CACNA1B: variants seen among roughly 807,000 people sequenced by gnomAD.
CACNA1B encodes voltage-dependent N-type calcium channel subunit alpha-1B.
In CACNA1B, 70 loss-of-function variants were observed where a neutral mutation model predicts 247.2. The observed-to-expected ratio is 0.28, with a 90% CI of 0.23 to 0.35. The LOEUF is 0.35. CACNA1B is among the 10% of genes least tolerant of loss of function. The pLI, the probability that CACNA1B is intolerant of heterozygous loss-of-function variation, is 1.00. For missense variants in CACNA1B, 2,367 were observed against 3,197.4 expected (o/e 0.74, Z 6.26); for synonymous variants, 1,231 against 1,294.4 (o/e 0.95, Z 1.05).
chr9:137,886,634 C>A (rs1242382547), intron 3 of CACNA1B, among the ~76,000 whole-genome samples: 2 of 151,212 alleles, frequency 1.3e-5, no homozygotes, highest in East Asian at 4.0e-4. Context: ...CTCTTTGCAG[C>A]CTGGTGTGGT....
chr9:137,936,018 G>A (rs147429914), intron 6 of CACNA1B, among the ~76,000 whole-genome samples: 1,649 of 152,264 alleles, frequency 0.011, 35 homozygotes, highest in African/African-American at 0.037. Context: ...CACCACGCCC[G>A]GCTAATTTTT....
At chr9:138,109,192 T>C (rs1961539598) in intron 39 of CACNA1B, among the ~76,000 whole-genome samples, 1 of 152,214 alleles carries the variant, frequency 6.6e-6, no homozygotes, top group Non-Finnish European at 1.5e-5. Flanking sequence ...GACTCACTTA[T>C]ACGGTCAATT....
chr9:137,900,300 A>G (rs1008680097), intron 3 of CACNA1B, among the ~76,000 whole-genome samples: 1 of 152,144 alleles, frequency 6.6e-6, no homozygotes, highest in Non-Finnish European at 1.5e-5. Context: ...TAGGGGGCCC[A>G]GAAGAAGCCT....
intron 37 of CACNA1B, among the ~76,000 whole-genome samples, chr9:138,098,907 G>A (rs2131345157): frequency 6.6e-6 from 1 of 152,356 alleles, no homozygotes; most frequent in East Asian, 1.9e-4. Context: ...GGCCAGGACA[G>A]GCCGAGGGGC....
rs549609245 is a variant in CACNA1B at position 138,098,179 on chromosome 9, C to G, written c.5222+1568C>G. Among the ~76,000 whole-genome samples the G allele has an allele frequency of 1.3e-4, 20 of 152,356 alleles. No individual in the cohort carries two copies. In the East Asian group the frequency reaches 3.9e-3, roughly 29 times the overall value. On this transcript the variant is annotated intron_variant, in intron 37 of 46. Transcript: ENST00000371372. ...GACAATTTCCGTGGCTTGCGAGAAC[C>G]CTGTCATGTCCGATGCAGCAATATG...
At chr9:138,046,321 C>T (rs1009409900) in intron 21 of CACNA1B, among the ~76,000 whole-genome samples, 1 of 152,204 alleles carries the variant, frequency 6.6e-6, no homozygotes, top group African/African-American at 2.4e-5. Flanking sequence ...AGTGTGTCCC[C>T]GTGCAGCGTG....
intron 13 of CACNA1B, among the ~76,000 whole-genome samples, chr9:137,985,239 A>G (rs1958342932): frequency 6.6e-6 from 1 of 152,220 alleles, no homozygotes; most frequent in African/African-American, 2.4e-5. Context: ...CCATAGGAGG[A>G]TATGAAGCTA....
rs1289113213 is a variant in CACNA1B at position 137,971,120 on chromosome 9, G to C, written c.1334-263G>C. 6.6e-6 allele frequency among the ~76,000 whole-genome samples: 1 copy of C among 152,100 alleles called. No individual in the cohort carries two copies. The highest frequency in any genetic ancestry group is 1.5e-5 in the Non-Finnish European group (1 of 68,002). On this transcript the variant is annotated intron_variant, in intron 10 of 46. Transcript: ENST00000371372. The surrounding 1 kb of genome is among the most constrained non-coding windows in gnomAD (Gnocchi z 4.4). Reference sequence around the variant, plus strand: ...GGGCTGTGCTCCTAGAAGGTGGCTGGGGATGCTGGGGACCAGAGAAGTGAG... The same window carrying C: ...GGGCTGTGCTCCTAGAAGGTGGCTGCGGATGCTGGGGACCAGAGAAGTGAG...
intron 3 of CACNA1B, among the ~76,000 whole-genome samples, chr9:137,889,275 G>T (rs1416695715): frequency 6.7e-6 from 1 of 150,232 alleles, no homozygotes; most frequent in Non-Finnish European, 1.5e-5. Flanking sequence ...CTGCAGCCCT[G>T]CGGGAGGTGC....
At chr9:137,992,538 G>C (rs1406068488) in intron 15 of CACNA1B, among the ~76,000 whole-genome samples, 2 of 152,192 alleles carry the variant, frequency 1.3e-5, no homozygotes, top group African/African-American at 4.8e-5. Flanking sequence ...CCTCAAGACA[G>C]AAAGTCAACA....
At position 138,105,695 on chromosome 9, in the gene CACNA1B, C is replaced by A; in HGVS notation, c.5320-4C>A. 1 of 1,535,044 alleles carries A rather than the reference C, an allele frequency of 6.5e-7. No homozygotes were observed. On this transcript the variant is annotated splice_region_variant and splice_polypyrimidine_tract_variant and intron_variant, in intron 38 of 46. Transcript: ENST00000371372. ...TGGCCCTGACCGGCCCTGCTTGTCC[C>A]TAGCGCCTGGTTCGCATGAACATGC... is the stretch of plus-strand genomic sequence containing the variant.
intron 6 of CACNA1B, among the ~76,000 whole-genome samples, chr9:137,940,214 T>G (rs1957717743): frequency 6.6e-6 from 1 of 152,032 alleles, no homozygotes; most frequent in Non-Finnish European, 1.5e-5. Flanking sequence ...CCAAAGAAGC[T>G]CAATTAGAAA....
At chr9:138,056,760 A>AT in intron 26 of CACNA1B, among the ~76,000 whole-genome samples, 1 of 152,054 alleles carries the variant, frequency 6.6e-6, no homozygotes, top group East Asian at 1.9e-4. Flanking sequence ...TAGTTTTGGT[A>AT]TTTTTTAAAC....
At chr9:137,982,939 CTG>C (rs1334515550) in intron 12 of CACNA1B, among the ~76,000 whole-genome samples, 1 of 152,204 alleles carries the variant, frequency 6.6e-6, no homozygotes, top group Non-Finnish European at 1.5e-5. Context: ...CAGCAGATGA[CTG>C]TGCATTTGAG....
At chr9:138,023,835 C>G (rs1958884718) in intron 19 of CACNA1B, 24 bp downstream of exon 19, 1 of 1,194,126 alleles carries the variant, frequency 8.4e-7, no homozygotes, top group Non-Finnish European at 1.2e-6. Context: ...TGGGCGGGGT[C>G]AGGGAGGGAA....
At chr9:137,965,403 G>A (rs1030011877) in intron 10 of CACNA1B, among the ~76,000 whole-genome samples, 2 of 152,138 alleles carry the variant, frequency 1.3e-5, no homozygotes, top group Non-Finnish European at 2.9e-5. Context: ...TCTATTGGCC[G>A]GGCGCGGTGG....
At chr9:138,056,035 AC>A (rs1404915187) in intron 26 of CACNA1B, among the ~76,000 whole-genome samples, 2 of 152,156 alleles carry the variant, frequency 1.3e-5, no homozygotes, top group African/African-American at 4.8e-5. Context: ...CAAAAAAAAA[AC>A]AAAAACAGAA....
chr9:137,975,380 G>A (rs1774118702), intron 11 of CACNA1B, among the ~76,000 whole-genome samples: 1 of 152,188 alleles, frequency 6.6e-6, no homozygotes, highest in African/African-American at 2.4e-5. Context: ...GTCAGCCACA[G>A]TGCCGTGGAC....
chr9:137,975,965 T>A lies in CACNA1B; in HGVS notation c.1602T>A (p.Tyr534Ter). The A allele has an allele frequency of 6.2e-7, 1 of 1,613,864 alleles. No homozygotes were observed. Among genetic ancestry groups the A allele is most frequent in the Non-Finnish European group, 8.5e-7 (1 of 1,179,720 alleles). Reference protein sequence around the residue: ...LFLTEMSLKMYGLGPRSYFRS... With the variant: ...LFLTEMSLKM ...TCACAGAGATGTCCCTGAAGATGTA[T>A]GGCCTGGGGCCCAGAAGCTACTTCC... is the stretch of plus-strand genomic sequence containing the variant. The change falls in exon 12 of 47, where the codon TAT becomes TAA. Residue 534 changes from tyrosine (Y) to a stop codon, truncating the protein, a stop_gained. Coordinates refer to ENST00000371372, the MANE Select transcript of CACNA1B (RefSeq NM_000718.4). LOFTEE classifies it high-confidence loss of function.
Sources: allele counts gnomAD v4.1 joint callset (sites outside exome capture counted in the v4.1 genomes callset), GRCh38; gene constraint gnomAD v4.1.1; non-coding constraint Gnocchi (gnomAD v3.1); transcripts MANE v1.5; gene names NCBI Gene and HGNC (gene_info 2026-07-23, HGNC 2026-07-21).